RABGAP1L: variants seen among roughly 807,000 people sequenced by gnomAD.
RABGAP1L encodes RAB GTPase activating protein 1 like.
A neutral mutation model predicts 137.7 loss-of-function variants in RABGAP1L; 63 were observed. The ratio of observed to expected loss-of-function variants is 0.46; its 90% CI spans 0.37 to 0.56. The LOEUF is 0.56. RABGAP1L is among the 20% of genes least tolerant of loss of function. RABGAP1L has a pLI of 0.00. For synonymous variants in RABGAP1L, 431 were observed against 433.7 expected, an observed-to-expected ratio of 0.99 and a Z score of 0.08; for missense variants, 1,095 against 1,244.0, an observed-to-expected ratio of 0.88 and a Z score of 1.80.
In RABGAP1L at chr1:174,993,333, T is replaced by A. The variant is rs1672177265; in HGVS notation, c.*3332T>A. 1 of 152,238 alleles carries A rather than the reference T, an allele frequency of 6.6e-6. No homozygotes were observed. The highest frequency in any genetic ancestry group is 2.1e-4 in the South Asian group (1 of 4,836). The allele number at this position is 152,238 out of a possible 1,614,324, so 9.4% of individuals were successfully genotyped here. On this transcript the variant is annotated 3_prime_UTR_variant, in exon 26 of 26. Transcript: ENST00000681986. The stretch of plus-strand genomic sequence containing the variant: ...ACTTCTTCATTGGCTTTCTGAAATG[T>A]CCTGAGTAAAGTAGAAAAGCAACCT...
chr1:174,989,981 C>A lies in RABGAP1L; in HGVS notation c.3136C>A (p.Pro1046Thr). The change falls in exon 26 of 26, where the codon CCA (proline) becomes ACA (threonine). Residue 1046 changes from proline (P) to threonine (T), a missense_variant. This residue lies in a region of RABGAP1L where 312 missense variants were observed against 435.6 expected (regional missense o/e 0.72). Coordinates refer to ENST00000681986, the MANE Select transcript of RABGAP1L (RefSeq NM_001366446.1). ...ATTGCAGCCAGCACCGGTCACCCAGCCACCCAAGGAGAGCACATAGTTCCA... is the reference window on the plus strand; with the variant it reads ...ATTGCAGCCAGCACCGGTCACCCAGACACCCAAGGAGAGCACATAGTTCCA... ...QPLQPAPVTQ[P>T]PKEST is the part of the protein sequence containing the mutation. 1 of 1,546,664 alleles carries A rather than the reference C, an allele frequency of 6.5e-7. No homozygotes were observed. The highest frequency in any genetic ancestry group is 1.2e-5 in the South Asian group (1 of 83,980).
At chr1:174,881,492 CTTTTTTTT>C (rs751296977) in intron 19 of RABGAP1L, among the ~76,000 whole-genome samples, 4 of 85,864 alleles carry the variant, frequency 4.7e-5, no homozygotes, top group African/African-American at 9.6e-5. Context: ...ATATCATTTG[CTTTTTTTT>C]TTTTTTTTTT....
intron 1 of RABGAP1L, among the ~76,000 whole-genome samples, chr1:174,214,056 T>C (rs1355627648): frequency 6.6e-6 from 1 of 152,204 alleles, no homozygotes; most frequent in East Asian, 1.9e-4. Flanking sequence ...CAGATTATCC[T>C]TGTTTGCAGA....
intron 18 of RABGAP1L, among the ~76,000 whole-genome samples, chr1:174,786,461 G>A (rs564515737): frequency 6.6e-6 from 1 of 152,194 alleles, no homozygotes; most frequent in East Asian, 1.9e-4. Flanking sequence ...AATCCAAACG[G>A]AAGCCAATAA....
intron 13 of RABGAP1L, among the ~76,000 whole-genome samples, chr1:174,563,839 G>A (rs1404304506): frequency 1.3e-5 from 2 of 152,076 alleles, no homozygotes; most frequent in South Asian, 2.1e-4. Context: ...TGTTGAATTG[G>A]CATCTACCCA....
In RABGAP1L at chr1:174,588,889, CA is replaced by C. The variant is rs572946735; in HGVS notation, c.1711-48483del. On this transcript the variant is annotated intron_variant, in intron 13 of 25. Transcript: ENST00000681986. ...GGTTGCCTCCAAATCTTGGCTATTGCAAATAGTACCACAGTAAACATAGGAG... is the reference window on the plus strand; with the variant it reads ...GGTTGCCTCCAAATCTTGGCTATTGCAATAGTACCACAGTAAACATAGGAG... Among the ~76,000 whole-genome samples, 543 of 152,240 alleles carry C rather than the reference CA, an allele frequency of 3.6e-3. 5 individuals are homozygous for C. The highest frequency in any genetic ancestry group is 0.011 in the African/African-American group (466 of 41,536).
intron 13 of RABGAP1L, among the ~76,000 whole-genome samples, chr1:174,450,377 T>C (rs1419018585): frequency 6.6e-6 from 1 of 152,212 alleles, no homozygotes; most frequent in African/African-American, 2.4e-5. Flanking sequence ...AATTATGTTA[T>C]CTGTGCCTAA....
chr1:174,478,108 C>T lies in RABGAP1L; in HGVS notation c.1710+83963C>T, dbSNP rs555562000. On this transcript the variant is annotated intron_variant, in intron 13 of 25. Transcript: ENST00000681986. ...AAGAATAATATTTATCTAGTATATG[C>T]ATATTACCTTCTATTTTCCCCGTCT... is the stretch of plus-strand genomic sequence containing the variant. 4.0e-5 allele frequency among the ~76,000 whole-genome samples: 6 copies of T among 151,682 alleles called. No homozygotes were observed. In the East Asian group the frequency reaches 1.2e-3, roughly 29 times the overall value.
At chr1:174,205,007 A>G (rs1668407704) in intron 1 of RABGAP1L, among the ~76,000 whole-genome samples, 1 of 152,202 alleles carries the variant, frequency 6.6e-6, no homozygotes, top group Non-Finnish European at 1.5e-5. Context: ...AGTTCTTTAT[A>G]GCAATGTGAG....
intron 19 of RABGAP1L, among the ~76,000 whole-genome samples, chr1:174,927,335 T>C (rs1663010842): frequency 6.6e-6 from 1 of 152,192 alleles, no homozygotes. Flanking sequence ...GTGTTGTTTG[T>C]ATATCTGTTG....
intron 13 of RABGAP1L, among the ~76,000 whole-genome samples, chr1:174,529,725 G>A (rs1193689282): frequency 1.3e-5 from 2 of 152,142 alleles, no homozygotes; most frequent in East Asian, 1.9e-4. Flanking sequence ...AGTGACAATG[G>A]CGGGACAACC....
At chr1:174,565,147 G>C (rs1237127372) in intron 13 of RABGAP1L, among the ~76,000 whole-genome samples, 1 of 152,112 alleles carries the variant, frequency 6.6e-6, no homozygotes, top group Non-Finnish European at 1.5e-5. Context: ...ATTATTAGAT[G>C]GGATGGGTTT....
chr1:174,726,000 A>G (rs1213263607), intron 17 of RABGAP1L, among the ~76,000 whole-genome samples: 8 of 151,910 alleles, frequency 5.3e-5, no homozygotes, highest in Non-Finnish European at 1.2e-4. Context: ...AAAAATAAAT[A>G]TATTTAAAAC....
intron 13 of RABGAP1L, among the ~76,000 whole-genome samples, chr1:174,613,461 A>G (rs923755938): frequency 6.6e-6 from 1 of 152,112 alleles, no homozygotes; most frequent in African/African-American, 2.4e-5. Flanking sequence ...TTTGCTGAGG[A>G]GAGCTTTACT....
Position 174,305,096 on chromosome 1 carries a change from A to G in RABGAP1L, c.1434A>G (p.Pro478=). 1 of 1,549,692 alleles carries G rather than the reference A, an allele frequency of 6.5e-7. No individual in the cohort carries two copies. The change falls in exon 11 of 26, where the codon CCA becomes CCG. Residue 478 remains proline (P), a synonymous_variant. Coordinates refer to ENST00000681986, the MANE Select transcript of RABGAP1L (RefSeq NM_001366446.1). The part of the protein sequence containing the change: ...EPVTPTSGGG[P]MSPQDDEAEE... ...TCACTCCTACTAGTGGAGGGGGTCC[A>G]ATGTCACCCCAGGATGATGAAGCAG...
At chr1:174,438,742 G>GTATATATATATATATATA (rs1468934527) in intron 13 of RABGAP1L, among the ~76,000 whole-genome samples, 4 of 65,788 alleles carry the variant, frequency 6.1e-5, no homozygotes, top group African/African-American at 5.7e-4. Flanking sequence ...AAGTGTGTGT[G>GTATATATATATATATATA]TGTATATATA....
At position 174,394,042 on chromosome 1, in the gene RABGAP1L, A is replaced by C; in HGVS notation, c.1607A>C (p.Lys536Thr). Residue 536 changes from lysine (K) to threonine (T), a missense_variant, in exon 13 of 26, where the codon AAG (lysine) becomes ACG (threonine). Physicochemically the swap from Lys to Thr is moderately conservative, Grantham distance 78 (BLOSUM62 -1). Transcript: ENST00000681986. The stretch of plus-strand genomic sequence containing the variant: ...CCGAAAGGGCTGTCTACTCTGGTGA[A>C]GAGTGGTGTCCCTGAAGCATTGAGG... The part of the protein sequence containing the change: ...ARPKGLSTLV[K>T]SGVPEALRAE... 1 of 1,613,900 alleles carries C rather than the reference A, an allele frequency of 6.2e-7. No homozygotes were observed. The highest frequency in any genetic ancestry group is 2.2e-5 in the East Asian group (1 of 44,882).
intron 1 of RABGAP1L, among the ~76,000 whole-genome samples, chr1:174,201,643 C>CT (rs147715191): frequency 1.5e-4 from 22 of 146,142 alleles, no homozygotes; most frequent in African/African-American, 3.0e-4. Context: ...TATTGCTTGG[C>CT]TTTTTTTTTT....
chr1:174,399,863 C>T (rs1648339499), intron 13 of RABGAP1L, among the ~76,000 whole-genome samples: 1 of 152,124 alleles, frequency 6.6e-6, no homozygotes, highest in African/African-American at 2.4e-5. Flanking sequence ...ATTCGGTTAT[C>T]TCCACCTGGT....
Sources: gnomAD v4.1 joint callset for allele counts (sites outside exome capture counted in the v4.1 genomes callset) on GRCh38, gnomAD v4.1.1 for gene constraint, gnomAD v4.1.1 regional missense constraint, MANE v1.5 for transcripts, NCBI Gene and HGNC (gene_info 2026-07-23, HGNC 2026-07-21) for gene names.